PIEZO2: variants seen among roughly 807,000 people sequenced by gnomAD.
PIEZO2 encodes piezo-type mechanosensitive ion channel component 2.
PIEZO2 carries 172 observed loss-of-function variants against 337.3 expected under a neutral mutation model. That is an observed-to-expected ratio of 0.51 (90% confidence interval 0.45 to 0.58). The LOEUF is 0.58. Among genes scored for constraint, PIEZO2 ranks in the 20% least tolerant of loss-of-function variants. The probability of loss-of-function intolerance (pLI) is 0.00; values close to 1 mark genes in which losing one functional copy is unlikely to be tolerated. For synonymous variants in PIEZO2, 1,251 were observed against 1,228.5 expected (o/e 1.02, Z -0.38); for missense variants, 3,028 against 3,391.3 (o/e 0.89, Z 2.66).
intron 1 of PIEZO2, among the ~76,000 whole-genome samples, chr18:11,123,222 C>G (rs1306442461): frequency 6.6e-6 from 1 of 152,138 alleles, no homozygotes; most frequent in Non-Finnish European, 1.5e-5. Flanking sequence ...GAATATTAGT[C>G]TTTCTAGATA....
In PIEZO2 at chr18:11,083,557, G is replaced by A. The variant is rs1203833533; in HGVS notation, c.65-17335C>T. Among the ~76,000 whole-genome samples, 2 of 152,168 alleles carry A rather than the reference G, an allele frequency of 1.3e-5. No homozygotes were observed. Among genetic ancestry groups the A allele is most frequent in the Non-Finnish European group, 2.9e-5 (2 of 68,032 alleles). ...ACTCAGGTGGTGCCAGCCCTGCAGG[G>A]CACGGTGTGGGCTCTTCCTGTGGCA... is the stretch of plus-strand genomic sequence containing the variant. On this transcript the variant is annotated intron_variant, in intron 1 of 55. Coordinates refer to ENST00000674853, the MANE Select transcript of PIEZO2 (RefSeq NM_001378183.1). The surrounding 1 kb of genome is among the most constrained non-coding windows in gnomAD (Gnocchi z 4.4).
intron 3 of PIEZO2, among the ~76,000 whole-genome samples, chr18:10,913,517 G>A (rs1426337375): frequency 1.3e-5 from 2 of 152,032 alleles, no homozygotes; most frequent in Non-Finnish European, 2.9e-5. Flanking sequence ...GATATTTTCA[G>A]TATTATTCTT....
At chr18:11,017,847 G>A (rs1033872663) in intron 2 of PIEZO2, among the ~76,000 whole-genome samples, 1 of 152,168 alleles carries the variant, frequency 6.6e-6, no homozygotes, top group Non-Finnish European at 1.5e-5. Context: ...AAACTGAGTG[G>A]CTTAAAACAA....
rs145797277 is a variant in PIEZO2, at chr18:10,901,946, G to A, written c.329+9240C>T. On this transcript the variant is annotated intron_variant, in intron 4 of 55. Transcript: ENST00000674853. ...AAAAAAAAGGAGAGGCTCTCTCTAGGGTAGGGGTCCCAACCCCTGGGCCTT... is the reference window on the plus strand; with the variant it reads ...AAAAAAAAGGAGAGGCTCTCTCTAGAGTAGGGGTCCCAACCCCTGGGCCTT... 2.0e-5 allele frequency among the ~76,000 whole-genome samples: 3 copies of A among 152,148 alleles called. No homozygotes were observed. In the East Asian group the frequency reaches 5.8e-4, roughly 29 times the overall value.
intron 1 of PIEZO2, among the ~76,000 whole-genome samples, chr18:11,100,177 A>G (rs1598959176): frequency 6.6e-6 from 1 of 152,216 alleles, no homozygotes; most frequent in African/African-American, 2.4e-5. Context: ...TGTAGGGTAG[A>G]TTTAAAAGTT....
chr18:10,875,447 CA>C (rs1450097817), intron 4 of PIEZO2, among the ~76,000 whole-genome samples: 2 of 151,834 alleles, frequency 1.3e-5, no homozygotes, highest in Non-Finnish European at 2.9e-5. Context: ...AAATGGGGAT[CA>C]AGAAAAGAGA....
chr18:10,970,379 C>G (rs1344786605), intron 3 of PIEZO2, among the ~76,000 whole-genome samples: 2 of 152,238 alleles, frequency 1.3e-5, no homozygotes, highest in East Asian at 1.9e-4. Context: ...CTTCGCCCGT[C>G]TAGATGAGCC....
In PIEZO2 at chr18:10,748,434, C is replaced by T. The variant is rs1055254193; in HGVS notation, c.4424+37G>A. 71 of 1,530,040 alleles carry T rather than the reference C, an allele frequency of 4.6e-5. No homozygotes were observed. The highest frequency in any genetic ancestry group is 5.8e-5 in the Non-Finnish European group (66 of 1,142,180). 94.8% of individuals were successfully genotyped at this position (1,530,040 alleles called of 1,614,324 possible). On this transcript the variant is annotated intron_variant, in intron 30 of 55. Coordinates refer to ENST00000674853, the MANE Select transcript of PIEZO2 (RefSeq NM_001378183.1). This position sits in a 1 kb window ranked among gnomAD's most constrained non-coding sequence, Gnocchi z 5.1. ...GTGCAATATTATTTCAGGCAAGTTT[C>T]CTGGGAGAAACCACCTGATTTCATG...
intron 14 of PIEZO2, 81 bp from the exon 15 acceptor site, chr18:10,789,446 G>A (rs1318720563): frequency 5.8e-6 from 8 of 1,389,900 alleles, no homozygotes; most frequent in South Asian, 1.5e-5. Context: ...GGTATAGGAT[G>A]TAGAGGCATG....
chr18:10,839,669 C>A (rs2041130797), intron 7 of PIEZO2, among the ~76,000 whole-genome samples: 1 of 152,192 alleles, frequency 6.6e-6, no homozygotes. Flanking sequence ...TCACTGAACC[C>A]AAGAGAAGAT....
Position 11,105,752 on chromosome 18 carries a change from C to T in PIEZO2, c.65-39530G>A, listed in dbSNP as rs534807023. On this transcript the variant is annotated intron_variant, in intron 1 of 55. Transcript: ENST00000674853. This position sits in a 1 kb window ranked among gnomAD's most constrained non-coding sequence, Gnocchi z 4.3. ...TGCTTGAGGCTTGACTGTAAAGCTC[C>T]GTAACCATATAAAAGTTATATTATA... 6.6e-6 allele frequency among the ~76,000 whole-genome samples: 1 copy of T among 152,110 alleles called. No homozygotes were observed. Among genetic ancestry groups the T allele is most frequent in the South Asian group, 2.1e-4 (1 of 4,806 alleles).
At chr18:11,058,246 AC>A (rs1481870699) in intron 2 of PIEZO2, among the ~76,000 whole-genome samples, 2 of 152,192 alleles carry the variant, frequency 1.3e-5, no homozygotes, top group Non-Finnish European at 2.9e-5. Flanking sequence ...GAGGGTCCTC[AC>A]TGTTAGAAGG....
At chr18:10,711,731 G>C (rs574246569) in intron 39 of PIEZO2, among the ~76,000 whole-genome samples, 7 of 152,244 alleles carry the variant, frequency 4.6e-5, no homozygotes, top group Admixed American at 4.6e-4. Context: ...AAGATGCAAA[G>C]GTGCAATATT....
intron 2 of PIEZO2, among the ~76,000 whole-genome samples, chr18:11,045,841 C>T (rs971365352): frequency 1.3e-4 from 20 of 152,196 alleles, no homozygotes; most frequent in African/African-American, 4.6e-4. Flanking sequence ...ACCAACTAGA[C>T]AGTCCATTTC....
At chr18:11,106,418 C>T (rs1332448032) in intron 1 of PIEZO2, among the ~76,000 whole-genome samples, 8 of 129,602 alleles carry the variant, frequency 6.2e-5, no homozygotes, top group East Asian at 2.2e-4. Flanking sequence ...TTTCCTCTCT[C>T]TTTTTTTTTT....
intron 2 of PIEZO2, among the ~76,000 whole-genome samples, chr18:10,995,928 C>T (rs997653216): frequency 7.2e-5 from 11 of 152,002 alleles, no homozygotes; most frequent in Admixed American, 2.6e-4. Flanking sequence ...CATGTGATTG[C>T]TATAAAAAAA....
Position 10,760,903 on chromosome 18 carries a change from A to G in PIEZO2, c.3450+8T>C. 1 of 1,517,822 alleles carries G rather than the reference A, an allele frequency of 6.6e-7. No homozygotes were observed. Among genetic ancestry groups the G allele is most frequent in the South Asian group, 1.2e-5 (1 of 83,104 alleles). 94.0% of individuals were successfully genotyped at this position (1,517,822 alleles called of 1,614,324 possible). On this transcript the variant is annotated splice_region_variant and intron_variant, in intron 24 of 55. Coordinates refer to ENST00000674853, the MANE Select transcript of PIEZO2 (RefSeq NM_001378183.1). The stretch of plus-strand genomic sequence containing the variant: ...AGAGAAATAAAACATATCAGCAAGG[A>G]AACTCACCTCCAGACCAAACTTGTA...
intron 1 of PIEZO2, among the ~76,000 whole-genome samples, chr18:11,074,817 A>T (rs2038474250): frequency 6.6e-6 from 1 of 152,236 alleles, no homozygotes; most frequent in Non-Finnish European, 1.5e-5. Context: ...CTGTTACTGC[A>T]CTATGATCAC....
intron 1 of PIEZO2, among the ~76,000 whole-genome samples, chr18:11,119,692 G>A (rs1177562290): frequency 6.6e-6 from 1 of 152,162 alleles, no homozygotes; most frequent in Non-Finnish European, 1.5e-5. Context: ...CCTCCATGAA[G>A]CTGAGTGTAG....
Sources: gnomAD v4.1 joint callset for allele counts (sites outside exome capture counted in the v4.1 genomes callset) on GRCh38, gnomAD v4.1.1 for gene constraint, Gnocchi (gnomAD v3.1) non-coding constraint, MANE v1.5 for transcripts, NCBI Gene and HGNC (gene_info 2026-07-23, HGNC 2026-07-21) for gene names.